Variants in AAMDC observed in about 807,000 individuals in gnomAD.
AAMDC encodes the protein adipogenesis associated Mth938 domain containing.
In AAMDC, 16 loss-of-function variants were observed where a neutral mutation model predicts 15.5. The ratio of observed to expected loss-of-function variants is 1.03; its 90% CI spans 0.70 to 1.57. The LOEUF is 1.57. Among genes scored for constraint, AAMDC ranks in the 40% most tolerant of loss-of-function variants. The probability of loss-of-function intolerance (pLI) is 0.00; values close to 1 mark genes in which losing one functional copy is unlikely to be tolerated. For synonymous variants in AAMDC, 51 were observed against 51.6 expected, an observed-to-expected ratio of 0.99 and a Z score of 0.05; for missense variants, 141 against 144.9, an observed-to-expected ratio of 0.97 and a Z score of 0.14.
chr11:77,878,793 G>C (rs904757474), intron 5 of AAMDC: 13 of 726,662 alleles, frequency 1.8e-5, no homozygotes, highest in Non-Finnish European at 3.0e-5. Context: ...TTTTAATGAA[G>C]AAACAATTTA....
At chr11:77,829,379 T>G (rs1949319936) in intron 1 of AAMDC, among the ~76,000 whole-genome samples, 2 of 152,228 alleles carry the variant, frequency 1.3e-5, no homozygotes, top group Non-Finnish European at 1.5e-5. Context: ...TTATGGTATT[T>G]TTTATAGTAG....
intron 2 of AAMDC, among the ~76,000 whole-genome samples, chr11:77,843,504 T>G (rs1278983489): frequency 6.6e-6 from 1 of 152,136 alleles, no homozygotes; most frequent in Non-Finnish European, 1.5e-5. Context: ...GCTATGGCAA[T>G]CTGGAGAGTA....
intron 2 of AAMDC, among the ~76,000 whole-genome samples, chr11:77,849,552 G>C (rs545010329): frequency 6.6e-6 from 1 of 152,116 alleles, no homozygotes; most frequent in African/African-American, 2.4e-5. Context: ...TAGAGACAGG[G>C]TCTCACTCTG....
chr11:77,830,725 A>G (rs1949384379), intron 1 of AAMDC, among the ~76,000 whole-genome samples: 1 of 152,126 alleles, frequency 6.6e-6, no homozygotes, highest in African/African-American at 2.4e-5. Flanking sequence ...ACACATGTCA[A>G]TAATAAAAAA....
At position 77,854,092 on chromosome 11, in the gene AAMDC, A is replaced by T. The variant is rs188268681; in HGVS notation, c.132+11464A>T. Among the ~76,000 whole-genome samples, 399 of 148,340 alleles carry T rather than the reference A, an allele frequency of 2.7e-3. 8 individuals carry two copies. Among genetic ancestry groups the T allele is most frequent in the Admixed American group, 0.023 (344 of 14,810 alleles). ...TGCAACCTCCACCTCCCAGGTTCAC[A>T]CCATTCTCCTGCCTCAGCCTCCTGA... On this transcript the variant is annotated intron_variant, in intron 2 of 3. Coordinates refer to ENST00000393427, the MANE Select transcript of AAMDC (RefSeq NM_024684.4).
chr11:77,868,560 T>G (rs1951237907), intron 2 of AAMDC, among the ~76,000 whole-genome samples: 1 of 150,484 alleles, frequency 6.6e-6, no homozygotes. Flanking sequence ...GGTTTCGCCA[T>G]GTTGACCAGG....
chr11:77,856,143 C>G (rs1377243502), intron 2 of AAMDC, among the ~76,000 whole-genome samples: 1 of 152,136 alleles, frequency 6.6e-6, no homozygotes, highest in African/African-American at 2.4e-5. Context: ...GGTCTTCCAC[C>G]AGATACCCTA....
chr11:77,876,524 C>T (rs776606985), downstream of AAMDC, among the ~76,000 whole-genome samples: 4 of 152,082 alleles, frequency 2.6e-5, no homozygotes, highest in African/African-American at 4.8e-5. Flanking sequence ...AGCCCAACCC[C>T]GATACGATAC....
chr11:77,872,507 A>T (rs1022022854), downstream of AAMDC: 14 of 540,982 alleles, frequency 2.6e-5, no homozygotes, highest in Non-Finnish European at 4.0e-5. Flanking sequence ...AAAAGATGAG[A>T]CAGAAGTTTA....
intron 2 of AAMDC, among the ~76,000 whole-genome samples, chr11:77,867,385 G>A (rs1446239540): frequency 6.6e-6 from 1 of 152,038 alleles, no homozygotes; most frequent in Admixed American, 6.6e-5. Flanking sequence ...TTTCCCACTT[G>A]GGTTTATTCA....
chr11:77,874,861 A>T (rs1234278840), downstream of AAMDC, among the ~76,000 whole-genome samples: 1 of 152,032 alleles, frequency 6.6e-6, no homozygotes, highest in Non-Finnish European at 1.5e-5. Flanking sequence ...ACATGGTGAA[A>T]CCCCATCTCT....
At chr11:77,837,498 A>G (rs1164776146) in intron 1 of AAMDC, among the ~76,000 whole-genome samples, 1 of 152,024 alleles carries the variant, frequency 6.6e-6, no homozygotes, top group East Asian at 1.9e-4. Flanking sequence ...TCTGTCACCC[A>G]GGCTGGAGTG....
At chr11:77,823,085 C>G (rs1019261289) in intron 1 of AAMDC, among the ~76,000 whole-genome samples, 1 of 151,694 alleles carries the variant, frequency 6.6e-6, no homozygotes, top group Non-Finnish European at 1.5e-5. Context: ...GTGGTGGCGG[C>G]GGGCCCCTGT....
intron 2 of AAMDC, among the ~76,000 whole-genome samples, chr11:77,858,937 T>C (rs926967092): frequency 4.6e-5 from 7 of 152,214 alleles, no homozygotes; most frequent in African/African-American, 1.7e-4. Flanking sequence ...TGGCCTGCAG[T>C]GCAGGGGATT....
At chr11:77,890,515 C>T (rs1401627811) in intron 5 of AAMDC, among the ~76,000 whole-genome samples, 1 of 151,812 alleles carries the variant, frequency 6.6e-6, no homozygotes, top group Non-Finnish European at 1.5e-5. Flanking sequence ...AAGGTTTAGC[C>T]CTGCATGTGG....
At chr11:77,881,039 T>G (rs1367857489) in intron 5 of AAMDC, among the ~76,000 whole-genome samples, 2 of 152,012 alleles carry the variant, frequency 1.3e-5, no homozygotes, top group Admixed American at 6.6e-5. Context: ...CTTACCAACA[T>G]TTGATAAGAA....
At chr11:77,825,698 GTTT>G (rs1250441260) in intron 1 of AAMDC, among the ~76,000 whole-genome samples, 1 of 139,320 alleles carries the variant, frequency 7.2e-6, no homozygotes, top group African/African-American at 2.6e-5. Context: ...CATTTTTTTT[GTTT>G]TTTTTTTTTT....
chr11:77,857,607 T>G (rs1042103136), intron 2 of AAMDC, among the ~76,000 whole-genome samples: 1 of 152,138 alleles, frequency 6.6e-6, no homozygotes, highest in Non-Finnish European at 1.5e-5. Context: ...TACTTTAAGT[T>G]CTCGGATACA....
intron 3 of AAMDC, 58 bp downstream of exon 3, chr11:77,869,875 T>C: frequency 6.6e-7 from 1 of 1,524,658 alleles, no homozygotes; most frequent in Non-Finnish European, 9.1e-7. Flanking sequence ...TGGGCCTTTG[T>C]CTTACAGACT....
Sources: allele counts gnomAD v4.1 joint callset (sites outside exome capture counted in the v4.1 genomes callset), GRCh38; gene constraint gnomAD v4.1.1; transcripts MANE v1.5; gene names NCBI Gene and HGNC (gene_info 2026-07-23, HGNC 2026-07-21).